The following ENPEP variants were observed in gnomAD, a reference collection of about 807,000 sequenced individuals.
The protein encoded by ENPEP is glutamyl aminopeptidase.
ENPEP carries 103 observed loss-of-function variants against 114.5 expected under a neutral mutation model. That is an observed-to-expected ratio of 0.90 (90% CI 0.77 to 1.06). ENPEP has a LOEUF of 1.06. Among genes scored for constraint, ENPEP ranks in the 50% least tolerant of loss-of-function variants. The pLI is 0.00. For missense variants in ENPEP, 1,196 were observed against 1,161.3 expected, an observed-to-expected ratio of 1.03 and a Z score of -0.43; for synonymous variants, 420 against 422.0, an observed-to-expected ratio of 1.00 and a Z score of 0.06.
intron 3 of ENPEP, chr4:110,506,368 A>G (rs1725370066): frequency 3.0e-6 from 1 of 329,642 alleles, no homozygotes; most frequent in Admixed American, 4.6e-5. Flanking sequence ...ACATCATGCC[A>G]ACCATTGTGT....
intron 1 of ENPEP, 38 bp downstream of exon 1, chr4:110,477,096 C>A (rs11734805): frequency 0.29 from 460,019 of 1,579,044 alleles, 70,092 homozygotes; most frequent in Non-Finnish European, 0.31. Flanking sequence ...CTTAAGCTCA[C>A]ATATCTGCTT....
chr4:110,518,405 C>A (rs1725859969), intron 8 of ENPEP, among the ~76,000 whole-genome samples: 1 of 152,154 alleles, frequency 6.6e-6, no homozygotes, highest in South Asian at 2.1e-4. Context: ...TCCTTTTGTG[C>A]TCACTGATTC....
chr4:110,546,659 G>C (rs1376639979), intron 13 of ENPEP, among the ~76,000 whole-genome samples: 1 of 151,972 alleles, frequency 6.6e-6, no homozygotes, highest in African/African-American at 2.4e-5. Context: ...CAAAATCATG[G>C]ACCTTAGATA....
At chr4:110,503,829 C>A (rs1017644240) in intron 3 of ENPEP, among the ~76,000 whole-genome samples, 2 of 152,118 alleles carry the variant, frequency 1.3e-5, no homozygotes, top group Admixed American at 6.5e-5. Flanking sequence ...TTCTCAGGGG[C>A]GTTATGTTAG....
chr4:110,506,878 T>C, intron 4 of ENPEP, 121 bp downstream of exon 4: 1 of 930,478 alleles, frequency 1.1e-6, no homozygotes, highest in Admixed American at 3.2e-5. Flanking sequence ...TTTTATTCTA[T>C]GCCGACAATA....
chr4:110,527,357 C>T (rs1726236350), intron 10 of ENPEP, among the ~76,000 whole-genome samples: 1 of 152,096 alleles, frequency 6.6e-6, no homozygotes, highest in Non-Finnish European at 1.5e-5. Context: ...AACTGGGTAT[C>T]CTGCTATAAT....
chr4:110,513,470 T>C lies in ENPEP; in HGVS notation c.1364T>C (p.Met455Thr), dbSNP rs926864162. ...CCTGTTCAAGAGGATGATTCTTTGA[T>C]GTCTTCGCATCCAATTATTGTGACT... Reference protein sequence around the residue: ...VLPVQEDDSLMSSHPIIVTVT... With the variant: ...VLPVQEDDSLTSSHPIIVTVT... The change falls in exon 7 of 20, where the codon ATG becomes ACG. Residue 455 changes from methionine to threonine, a missense_variant. Met to Thr is a moderately conservative substitution (Grantham distance 81). Transcript: ENST00000265162. The C allele has an allele frequency of 1.2e-6, 2 of 1,613,570 alleles. No homozygotes were observed. The highest frequency in any genetic ancestry group is 1.7e-6 in the Non-Finnish European group (2 of 1,179,630).
At chr4:110,521,913 C>T (rs561781851) in intron 10 of ENPEP, among the ~76,000 whole-genome samples, 20 of 151,304 alleles carry the variant, frequency 1.3e-4, no homozygotes, top group African/African-American at 4.9e-4. Context: ...GAGTCTCACT[C>T]TGTCACCCAG....
rs1449307741 is a variant in ENPEP, at chr4:110,534,497, GTTGT to G, written c.1807+3223_1807+3226del. ...TAAGCTTCATATGTTCTCTCTTTTC[GTTGT>G]TTCTTTTTTTTTTTTTTTTTTTTGG... On this transcript the variant is annotated intron_variant, in intron 11 of 19. Coordinates refer to ENST00000265162, the MANE Select transcript of ENPEP (RefSeq NM_001977.4). 1.1e-3 allele frequency among the ~76,000 whole-genome samples: 32 copies of G among 29,644 alleles called. 2 individuals carry two copies. The highest frequency in any genetic ancestry group is 1.6e-3 in the Non-Finnish European group (24 of 15,120). 19.4% of individuals were successfully genotyped at this position (29,644 alleles called of 152,430 possible). A position where few individuals can be genotyped will look rare whatever the true frequency, so the allele number is the denominator to read the frequency against.
intron 11 of ENPEP, among the ~76,000 whole-genome samples, chr4:110,537,073 G>T (rs374848983): frequency 6.6e-6 from 1 of 152,142 alleles, no homozygotes; most frequent in African/African-American, 2.4e-5. Context: ...AGTCTTCAGC[G>T]AGTTGTAATC....
chr4:110,511,486 A>T (rs1335129349), intron 6 of ENPEP, among the ~76,000 whole-genome samples: 1 of 152,192 alleles, frequency 6.6e-6, no homozygotes, highest in Non-Finnish European at 1.5e-5. Context: ...CTACTCATCT[A>T]CATGGAAAAT....
intron 3 of ENPEP, among the ~76,000 whole-genome samples, chr4:110,495,376 A>T (rs1031027004): frequency 2.6e-4 from 39 of 152,190 alleles, no homozygotes; most frequent in Admixed American, 3.3e-4. Flanking sequence ...ACTTTCCCAG[A>T]ATGCTTTCGC....
chr4:110,511,528 G>C (rs1027137418), intron 6 of ENPEP, among the ~76,000 whole-genome samples: 17 of 152,102 alleles, frequency 1.1e-4, no homozygotes, highest in African/African-American at 4.1e-4. Context: ...AAAATAAACT[G>C]TATAAATGGA....
chr4:110,494,899 G>T (rs2110341135), intron 3 of ENPEP, among the ~76,000 whole-genome samples: 1 of 152,242 alleles, frequency 6.6e-6, no homozygotes, highest in South Asian at 2.1e-4. Flanking sequence ...GTCTTCTTCA[G>T]GTTTAGTTGA....
Position 110,553,396 on chromosome 4 carries a change from C to A in ENPEP, c.2583C>A (p.Ser861Arg), listed in dbSNP as rs35812243. 2,568 of 1,611,334 alleles carry A rather than the reference C, an allele frequency of 1.6e-3. 37 individuals carry two copies. In the African/African-American group the frequency reaches 0.03, roughly 19 times the overall value. ...TCATTCGATATATCTCATATAACAGCTATGGGAAGAACATGGCCTGGAATT... is the reference window on the plus strand; with the variant it reads ...TCATTCGATATATCTCATATAACAGATATGGGAAGAACATGGCCTGGAATT... ...FTVIRYISYN[S>R]YGKNMAWNWI... Residue 861 changes from serine to arginine, a missense_variant, in exon 18 of 20, where the codon AGC becomes AGA. Coordinates refer to ENST00000265162, the MANE Select transcript of ENPEP (RefSeq NM_001977.4).
chr4:110,476,732 G>A lies in ENPEP; in HGVS notation c.318G>A (p.Val106=), dbSNP rs1409544509. ...ACCCAGTCCACTACGACCTGCACGTGAAGCCCCTGTTGGAGGAGGACACCT... is the reference window on the plus strand; with the variant it reads ...ACCCAGTCCACTACGACCTGCACGTAAAGCCCCTGTTGGAGGAGGACACCT... ...FVNPVHYDLH[V]KPLLEEDTYT... Residue 106 remains valine, a synonymous_variant, in exon 1 of 20, where the codon GTG becomes GTA. Coordinates refer to ENST00000265162, the MANE Select transcript of ENPEP (RefSeq NM_001977.4). 10 of 1,613,960 alleles carry A rather than the reference G, an allele frequency of 6.2e-6. No individual in the cohort carries two copies. Among genetic ancestry groups the A allele is most frequent in the African/African-American group, 1.3e-5 (1 of 74,930 alleles).
At chr4:110,486,385 A>G (rs1440578212) in intron 1 of ENPEP, among the ~76,000 whole-genome samples, 1 of 152,116 alleles carries the variant, frequency 6.6e-6, no homozygotes, top group African/African-American at 2.4e-5. Flanking sequence ...TGTCAAACTT[A>G]TCTCTGGCTC....
At position 110,515,382 on chromosome 4, in the gene ENPEP, T is replaced by C. The variant is rs762144919; in HGVS notation, c.1449T>C (p.Ser483=). Residue 483 remains serine (S), a synonymous_variant, in exon 8 of 20, where the codon TCT becomes TCC. Coordinates refer to ENST00000265162, the MANE Select transcript of ENPEP (RefSeq NM_001977.4). ...VFDGISYSKG[S]SILRMLEDWI... The stretch of plus-strand genomic sequence containing the variant: ...TCTTTTTATCCCCATTGTAGGGATC[T>C]TCTATTTTGAGAATGCTTGAAGACT... The C allele has an allele frequency of 4.4e-6, 7 of 1,603,828 alleles. No homozygotes were observed. The African/African-American group carries it at 9.4e-5, about 22-fold the overall frequency.
intron 8 of ENPEP, among the ~76,000 whole-genome samples, chr4:110,517,837 G>A (rs1725838332): frequency 6.6e-6 from 1 of 152,142 alleles, no homozygotes; most frequent in Non-Finnish European, 1.5e-5. Flanking sequence ...TCTGAAAATA[G>A]TATATGATCG....
Sources: allele counts gnomAD v4.1 joint callset (sites outside exome capture counted in the v4.1 genomes callset), GRCh38; gene constraint gnomAD v4.1.1; transcripts MANE v1.5; gene names NCBI Gene and HGNC (gene_info 2026-07-23, HGNC 2026-07-21).